IGSF9: variants seen among roughly 807,000 people sequenced by gnomAD.
IGSF9 encodes immunoglobulin superfamily member 9.
A neutral mutation model predicts 121.7 loss-of-function variants in IGSF9; 87 were observed. The observed-to-expected ratio is 0.71, with a 90% CI of 0.60 to 0.85. IGSF9 has a LOEUF of 0.85. Ranked by LOEUF, IGSF9 falls within the 40% of genes least tolerant of loss-of-function variation. IGSF9 has a pLI of 0.00. For missense variants in IGSF9, 1,462 were observed against 1,565.3 expected (o/e 0.93, Z 1.11); for synonymous variants, 640 against 648.4 (o/e 0.99, Z 0.20).
chr1:159,928,380 G>A lies in IGSF9; in HGVS notation c.3008C>T (p.Thr1003Ile). The A allele has an allele frequency of 6.2e-7, 1 of 1,609,328 alleles. No homozygotes were observed. Among genetic ancestry groups the A allele is most frequent in the Non-Finnish European group, 8.5e-7 (1 of 1,178,020 alleles). Residue 1003 changes from threonine to isoleucine, a missense_variant, in exon 19 of 21, where the codon ACA (threonine) becomes ATA (isoleucine). Transcript: ENST00000368094. ...GCCTGGCAGCAGCCGCTCCCTCAGT[G>A]TCCAGTCAGCCAGGGCTGTGTAAGG... ...EPPYTALADW[T>I]LRERLLPGLL...
At chr1:159,930,584 C>G (rs1414138859) in intron 14 of IGSF9, 108 bp downstream of exon 14, 1 of 1,543,222 alleles carries the variant, frequency 6.5e-7, no homozygotes, top group Middle Eastern at 1.8e-4. Context: ...GGACCCCAAG[C>G]TGGCCAGCAC....
intron 9 of IGSF9, chr1:159,933,279 G>A (rs1169862151): frequency 1.3e-5 from 2 of 152,580 alleles, no homozygotes; most frequent in African/African-American, 4.8e-5. Context: ...CCTGATCACA[G>A]CTCTGATCCT....
intron 1 of IGSF9, among the ~76,000 whole-genome samples, chr1:159,943,850 A>G (rs1357521398): frequency 2.6e-5 from 4 of 152,038 alleles, no homozygotes; most frequent in African/African-American, 7.2e-5. Context: ...AAGGTGAGGA[A>G]ATGGGGGAGG....
Position 159,931,584 on chromosome 1 carries a change from C to T in IGSF9, c.1382G>A (p.Gly461Asp). 1.2e-6 allele frequency: 2 copies of T among 1,613,952 alleles called. No homozygotes were observed. Among genetic ancestry groups the T allele is most frequent in the Non-Finnish European group, 1.7e-6 (2 of 1,179,956 alleles). Reference sequence around the variant, plus strand: ...GCTGTTGCTGTCCACCTGGGCCTGGCCTTGCAGCCCCCGGCCCACCTACAG... The same window carrying T: ...GCTGTTGCTGTCCACCTGGGCCTGGTCTTGCAGCCCCCGGCCCACCTACAG... ...SWTKVGRGLQ[G>D]QAQVDSNSSL... The change falls in exon 12 of 21, where the codon GGC becomes GAC. Residue 461 changes from glycine (G) to aspartate (D), a missense_variant. Transcript: ENST00000368094. The surrounding 1 kb of genome is among the most constrained non-coding windows in gnomAD (Gnocchi z 4.8).
chr1:159,945,082 CCCTT>C (rs919076688), intron 1 of IGSF9, among the ~76,000 whole-genome samples: 3 of 152,014 alleles, frequency 2.0e-5, no homozygotes, highest in Non-Finnish European at 4.4e-5. Context: ...TCCCATTACT[CCCTT>C]CCCAGTTATC....
At position 159,928,635 on chromosome 1, in the gene IGSF9, G is replaced by T; in HGVS notation, c.2753C>A (p.Pro918Gln). Residue 918 changes from proline (P) to glutamine (Q), a missense_variant, in exon 19 of 21, where the codon CCA (proline) becomes CAA (glutamine). Pro to Gln is a moderately conservative substitution (Grantham distance 76, BLOSUM62 -1). Transcript: ENST00000368094. ...PPPAAPPSPL[P>Q]GPGPLLQYLS... is the part of the protein sequence containing the mutation. ...GTACTGGAGCAGGGGTCCAGGACCT[G>T]GCAAGGGACTGGGTGGGGCTGCTGG... The T allele has an allele frequency of 6.7e-7, 1 of 1,486,398 alleles. No individual in the cohort carries two copies. The highest frequency in any genetic ancestry group is 9.0e-7 in the Non-Finnish European group (1 of 1,116,674). 92.1% of individuals were successfully genotyped at this position (1,486,398 alleles called of 1,614,324 possible).
chr1:159,936,312 C>T, intron 6 of IGSF9, 87 bp downstream of exon 6: 1 of 1,188,726 alleles, frequency 8.4e-7, no homozygotes. Flanking sequence ...AAATCTCCCT[C>T]CTATCTTGCT....
intron 7 of IGSF9, 45 bp downstream of exon 7, chr1:159,934,636 T>C: frequency 6.2e-7 from 1 of 1,613,830 alleles, no homozygotes; most frequent in South Asian, 1.1e-5. Context: ...TCAGAGACTG[T>C]TTGTGAATTC....
chr1:159,929,198 C>G, intron 18 of IGSF9, 153 bp downstream of exon 18: 2 of 1,280,624 alleles, frequency 1.6e-6, no homozygotes, highest in Non-Finnish European at 2.3e-6. Flanking sequence ...CGGCCTCAGG[C>G]TGGGGCCACT....
chr1:159,928,633 C>A lies in IGSF9; in HGVS notation c.2755G>T (p.Gly919Cys). ...AGGTACTGGAGCAGGGGTCCAGGACCTGGCAAGGGACTGGGTGGGGCTGCT... is the reference window on the plus strand; with the variant it reads ...AGGTACTGGAGCAGGGGTCCAGGACATGGCAAGGGACTGGGTGGGGCTGCT... ...PPAAPPSPLP[G>C]PGPLLQYLSL... The change falls in exon 19 of 21, where the codon GGT (glycine) becomes TGT (cysteine). Residue 919 changes from glycine to cysteine, a missense_variant. Gly to Cys is a radical substitution (Grantham distance 159, BLOSUM62 -3). Coordinates refer to ENST00000368094, the MANE Select transcript of IGSF9 (RefSeq NM_001135050.2). 1 of 1,485,932 alleles carries A rather than the reference C, an allele frequency of 6.7e-7. No homozygotes were observed. The highest frequency in any genetic ancestry group is 2.4e-5 in the East Asian group (1 of 42,250). The allele number at this position is 1,485,932 out of a possible 1,614,324, so 92.0% of individuals were successfully genotyped here. A position where few individuals can be genotyped will look rare whatever the true frequency, so the allele number is the denominator to read the frequency against.
intron 4 of IGSF9, among the ~76,000 whole-genome samples, chr1:159,937,415 G>A (rs1249328857): frequency 6.6e-6 from 1 of 152,130 alleles, no homozygotes; most frequent in Non-Finnish European, 1.5e-5. Context: ...CCTGGCCAGG[G>A]AAGCAGGAGG....
Position 159,932,413 on chromosome 1 carries a change from T to G in IGSF9, c.1245+99A>C. ...AAACAAACTTGGAAACCCCTCCCCA[T>G]GTGTCTGCCCCACCCCACCCCCATC... On this transcript the variant is annotated intron_variant, in intron 10 of 20. Coordinates refer to ENST00000368094, the MANE Select transcript of IGSF9 (RefSeq NM_001135050.2). The surrounding 1 kb of genome is among the most constrained non-coding windows in gnomAD (Gnocchi z 4.1). 85 of 750,950 alleles carry G rather than the reference T, an allele frequency of 1.1e-4. No homozygotes were observed. The highest frequency in any genetic ancestry group is 3.6e-4 in the East Asian group (11 of 30,716). 46.5% of individuals were successfully genotyped at this position (750,950 alleles called of 1,614,324 possible).
intron 3 of IGSF9, among the ~76,000 whole-genome samples, chr1:159,942,756 G>A (rs537022447): frequency 0.011 from 1,731 of 152,208 alleles, 38 homozygotes; most frequent in African/African-American, 0.039. Flanking sequence ...GTGTGTGTGT[G>A]TGTGTGTGTG....
chr1:159,931,417 T>G lies in IGSF9; in HGVS notation c.1513+36A>C. ...CCTCCAAAAACGATTCCCAAGTAGT[T>G]TCTCCCAGCCCCTGGCCCTCTCTCC... On this transcript the variant is annotated intron_variant, in intron 12 of 20. Coordinates refer to ENST00000368094, the MANE Select transcript of IGSF9 (RefSeq NM_001135050.2). The surrounding 1 kb of genome is among the most constrained non-coding windows in gnomAD (Gnocchi z 4.8). 1.2e-6 allele frequency: 2 copies of G among 1,603,574 alleles called. No individual in the cohort carries two copies. Among genetic ancestry groups the G allele is most frequent in the East Asian group, 2.2e-5 (1 of 44,582 alleles).
chr1:159,933,037 C>T (rs917565542), intron 9 of IGSF9: 12 of 165,654 alleles, frequency 7.2e-5, no homozygotes, highest in Non-Finnish European at 1.4e-4. Context: ...TTAAAGGGCC[C>T]GCCATCCTTC....
In IGSF9 at chr1:159,927,480, A is replaced by G. The variant is rs534713773; in HGVS notation, c.3405T>C (p.Val1135=). The change falls in exon 21 of 21, where the codon GTT becomes GTC. Residue 1135 remains valine, a synonymous_variant. Coordinates refer to ENST00000368094, the MANE Select transcript of IGSF9 (RefSeq NM_001135050.2). ...CAGCACAGCGGGCCTCAGGGCCAGTAACATGGGCAGTGTTCAGGAGGCAGC... is the reference window on the plus strand; with the variant it reads ...CAGCACAGCGGGCCTCAGGGCCAGTGACATGGGCAGTGTTCAGGAGGCAGC... ...EEGCLLNTAH[V]TGPEARCAAL... 73 of 1,613,996 alleles carry G rather than the reference A, an allele frequency of 4.5e-5. No homozygotes were observed. Among genetic ancestry groups the G allele is most frequent in the Non-Finnish European group, 5.9e-5 (70 of 1,180,020 alleles).
chr1:159,945,368 C>T (rs1200077577), intron 1 of IGSF9, among the ~76,000 whole-genome samples: 1 of 152,074 alleles, frequency 6.6e-6, no homozygotes, highest in Non-Finnish European at 1.5e-5. Flanking sequence ...CAAGAACTCC[C>T]CCACATTGCC....
chr1:159,938,224 G>A (rs1326564160), intron 3 of IGSF9, among the ~76,000 whole-genome samples: 1 of 152,126 alleles, frequency 6.6e-6, no homozygotes, highest in Non-Finnish European at 1.5e-5. Context: ...AGGGGAAGGT[G>A]TGAGCTCCTG....
At chr1:159,943,730 A>G in intron 1 of IGSF9, 102 bp from the exon 2 acceptor site, 1 of 339,064 alleles carries the variant, frequency 2.9e-6, no homozygotes, top group Non-Finnish European at 5.3e-6. Flanking sequence ...AGGAGGGAGG[A>G]GTGTAGTTAA....
Sources: gnomAD v4.1 joint callset for allele counts (sites outside exome capture counted in the v4.1 genomes callset) on GRCh38, gnomAD v4.1.1 for gene constraint, Gnocchi (gnomAD v3.1) non-coding constraint, MANE v1.5 for transcripts, NCBI Gene and HGNC (gene_info 2026-07-23, HGNC 2026-07-21) for gene names.